RORA: variants seen among roughly 807,000 people sequenced by gnomAD.
RORA encodes RAR related orphan receptor A.
RORA carries 7 observed loss-of-function variants against 69.5 expected under a neutral mutation model. The ratio of observed to expected loss-of-function variants is 0.10; its 90% CI spans 0.06 to 0.19. The LOEUF is 0.19. RORA is among the 10% of genes least tolerant of loss of function. The probability of loss-of-function intolerance (pLI) is 1.00; values close to 1 mark genes in which losing one functional copy is unlikely to be tolerated. For missense variants in RORA, 457 were observed against 663.0 expected (o/e 0.69, Z 3.41); for synonymous variants, 261 against 240.8 (o/e 1.08, Z -0.78).
chr15:60,892,403 A>G (rs746275382), intron 1 of RORA, among the ~76,000 whole-genome samples: 1 of 152,218 alleles, frequency 6.6e-6, no homozygotes, highest in Non-Finnish European at 1.5e-5. Flanking sequence ...CCAGTGAAGA[A>G]AAACTTGAAG....
At chr15:60,587,015 G>A (rs566521155) in intron 2 of RORA, among the ~76,000 whole-genome samples, 35 of 152,142 alleles carry the variant, frequency 2.3e-4, no homozygotes, top group Non-Finnish European at 4.4e-4. Flanking sequence ...ACGAGAATTC[G>A]TAAGCTTTAT....
chr15:60,741,874 C>T (rs1341672208), intron 1 of RORA, among the ~76,000 whole-genome samples: 1 of 152,200 alleles, frequency 6.6e-6, no homozygotes, highest in Non-Finnish European at 1.5e-5. Flanking sequence ...CTGATCCCCT[C>T]ACTCGCCTCA....
intron 2 of RORA, among the ~76,000 whole-genome samples, chr15:60,594,348 G>T (rs553817605): frequency 6.6e-6 from 1 of 152,298 alleles, no homozygotes; most frequent in East Asian, 1.9e-4. Context: ...TTTCCCTTGT[G>T]CTAACGACTA....
At chr15:61,210,231 A>C (rs1335556043) in intron 1 of RORA, among the ~76,000 whole-genome samples, 1 of 152,202 alleles carries the variant, frequency 6.6e-6, no homozygotes, top group Non-Finnish European at 1.5e-5. Context: ...ATGATCTTAC[A>C]CTTAAGAAGA....
chr15:60,719,489 C>T (rs183620166), intron 1 of RORA, among the ~76,000 whole-genome samples: 62 of 152,184 alleles, frequency 4.1e-4, no homozygotes, highest in Admixed American at 2.0e-4. Flanking sequence ...TCTTAAAAAG[C>T]ACTAAAAATA....
At chr15:61,065,469 T>C (rs1371335618) in intron 1 of RORA, among the ~76,000 whole-genome samples, 2 of 152,184 alleles carry the variant, frequency 1.3e-5, no homozygotes, top group African/African-American at 4.8e-5. Flanking sequence ...ATTTTCCACA[T>C]TGACTGGTTA....
At chr15:60,611,266 G>A (rs552299469) in intron 2 of RORA, among the ~76,000 whole-genome samples, 60 of 152,054 alleles carry the variant, frequency 3.9e-4, no homozygotes, top group Non-Finnish European at 6.8e-4. Context: ...CTCCATAGCA[G>A]GAGTGGCTAG....
At chr15:61,021,293 C>T (rs1232609789) in intron 1 of RORA, among the ~76,000 whole-genome samples, 1 of 152,184 alleles carries the variant, frequency 6.6e-6, no homozygotes, top group East Asian at 1.9e-4. Flanking sequence ...GCAGAGGCTC[C>T]GTGAATGACT....
intron 1 of RORA, among the ~76,000 whole-genome samples, chr15:60,809,924 C>T (rs2072718672): frequency 6.6e-6 from 1 of 152,042 alleles, no homozygotes; most frequent in African/African-American, 2.4e-5. Flanking sequence ...ATCAGTTTCA[C>T]CTTCTTGAAG....
At chr15:60,727,291 A>G (rs971341839) in intron 1 of RORA, among the ~76,000 whole-genome samples, 2 of 152,162 alleles carry the variant, frequency 1.3e-5, no homozygotes, top group African/African-American at 4.8e-5. Context: ...TTTAACCTTT[A>G]ATATGACTTG....
intron 1 of RORA, among the ~76,000 whole-genome samples, chr15:60,691,046 C>G (rs1258210326): frequency 2.6e-5 from 4 of 152,230 alleles, no homozygotes; most frequent in Non-Finnish European, 5.9e-5. Context: ...TCTCACCCAT[C>G]TCATTCTTCC....
At chr15:60,759,282 G>T (rs1384481454) in intron 1 of RORA, among the ~76,000 whole-genome samples, 1 of 152,308 alleles carries the variant, frequency 6.6e-6, no homozygotes, top group Non-Finnish European at 1.5e-5. Context: ...TATGTTTGAG[G>T]GTGGACAACA....
chr15:61,068,944 A>C (rs1201735210), intron 1 of RORA, among the ~76,000 whole-genome samples: 1 of 152,254 alleles, frequency 6.6e-6, no homozygotes, highest in Non-Finnish European at 1.5e-5. Context: ...CTGACAATAT[A>C]GAAACTCTTA....
rs540387491 is a variant in RORA, at chr15:60,489,398, C to T, written c.*8057G>A. Reference sequence around the variant, plus strand: ...AGTGCAGTAAACAGAAACATTTGCTCTACATTTATAAATTGCTCAAAAATC... The same window carrying T: ...AGTGCAGTAAACAGAAACATTTGCTTTACATTTATAAATTGCTCAAAAATC... On this transcript the variant is annotated 3_prime_UTR_variant, in exon 11 of 11. Transcript: ENST00000335670. 6.6e-6 allele frequency: 1 copy of T among 152,214 alleles called. No individual in the cohort carries two copies. Among genetic ancestry groups the T allele is most frequent in the Non-Finnish European group, 1.5e-5 (1 of 68,018 alleles). 9.4% of individuals were successfully genotyped at this position (152,214 alleles called of 1,614,324 possible). A position where few individuals can be genotyped will look rare whatever the true frequency, so the allele number is the denominator to read the frequency against.
rs2065075931 is a variant in RORA, at chr15:60,493,073, A to C, written c.*4382T>G. The C allele has an allele frequency of 6.6e-6, 1 of 152,204 alleles. No homozygotes were observed. The highest frequency in any genetic ancestry group is 6.5e-5 in the Admixed American group (1 of 15,270). The allele number at this position is 152,204 out of a possible 1,614,324, so 9.4% of individuals were successfully genotyped here. ...GATACCAAGATGGATTGTCATTCAC[A>C]GTAAGTCAATTATAAGGTGCTTATT... is the stretch of plus-strand genomic sequence containing the variant. On this transcript the variant is annotated 3_prime_UTR_variant, in exon 11 of 11. Coordinates refer to ENST00000335670, the MANE Select transcript of RORA (RefSeq NM_134261.3).
At chr15:60,860,413 C>G (rs2140424516) in intron 1 of RORA, among the ~76,000 whole-genome samples, 1 of 152,274 alleles carries the variant, frequency 6.6e-6, no homozygotes, top group Middle Eastern at 3.4e-3. Context: ...CTCAAGCTTG[C>G]AGTAATAAGG....
chr15:60,514,469 G>T, intron 4 of RORA, 147 bp downstream of exon 4: 1 of 729,032 alleles, frequency 1.4e-6, no homozygotes, highest in Non-Finnish European at 2.3e-6. Context: ...GTTCCATGTA[G>T]CTGCCAGAGG....
intron 1 of RORA, among the ~76,000 whole-genome samples, chr15:60,922,173 G>A (rs1478610595): frequency 1.3e-5 from 2 of 152,180 alleles, no homozygotes. Flanking sequence ...GGGCTTGGGG[G>A]AGGGAAGGGT....
chr15:60,657,842 C>T lies in RORA; in HGVS notation c.196+20815G>A, dbSNP rs543713616. Among the ~76,000 whole-genome samples the T allele has an allele frequency of 7.9e-5, 12 of 152,316 alleles. No individual in the cohort carries two copies. The East Asian group carries it at 1.2e-3, about 15-fold the overall frequency. Reference sequence around the variant, plus strand: ...TTTATCTCCTCCTGAGATGCTCTCTCGGTTCCTCCTTCACTGCTCTTCAGG... The same window carrying T: ...TTTATCTCCTCCTGAGATGCTCTCTTGGTTCCTCCTTCACTGCTCTTCAGG... On this transcript the variant is annotated intron_variant, in intron 2 of 10. Transcript: ENST00000335670.
Sources: allele counts gnomAD v4.1 joint callset (sites outside exome capture counted in the v4.1 genomes callset), GRCh38; gene constraint gnomAD v4.1.1; transcripts MANE v1.5; gene names NCBI Gene and HGNC (gene_info 2026-07-23, HGNC 2026-07-21).